TNS4: variants seen among roughly 807,000 people sequenced by gnomAD.
TNS4 encodes tensin 4.
TNS4 carries 46 observed loss-of-function variants against 70.4 expected under a neutral mutation model. That is an observed-to-expected ratio of 0.65 (90% CI 0.52 to 0.84). TNS4 has a LOEUF of 0.84. Ranked by LOEUF, TNS4 falls within the 40% of genes least tolerant of loss-of-function variation. The pLI, the probability that TNS4 is intolerant of heterozygous loss-of-function variation, is 0.00. For synonymous variants in TNS4, 390 were observed against 366.6 expected, an observed-to-expected ratio of 1.06 and a Z score of -0.73; for missense variants, 863 against 907.0, an observed-to-expected ratio of 0.95 and a Z score of 0.62.
At chr17:40,488,499 C>CGTGTGCCTGT (rs746999417) in intron 3 of TNS4, 47 bp downstream of exon 3, 1 of 1,453,818 alleles carries the variant, frequency 6.9e-7, no homozygotes, top group Non-Finnish European at 9.1e-7. Context: ...TGCATGCGTG[C>CGTGTGCCTGT]GTGTGCCTGT....
intron 8 of TNS4, among the ~76,000 whole-genome samples, chr17:40,481,172 A>T (rs1362325312): frequency 6.6e-6 from 1 of 151,922 alleles, no homozygotes; most frequent in East Asian, 1.9e-4. Context: ...GCCCTTCTCG[A>T]GCTTCTCCTG....
At chr17:40,498,746 A>T (rs2036175606) in intron 1 of TNS4, among the ~76,000 whole-genome samples, 1 of 152,026 alleles carries the variant, frequency 6.6e-6, no homozygotes, top group Non-Finnish European at 1.5e-5. Context: ...AGAGGGTCTC[A>T]CTTTGTTGCC....
At chr17:40,500,535 A>T (rs2036198847) in intron 1 of TNS4, among the ~76,000 whole-genome samples, 1 of 151,962 alleles carries the variant, frequency 6.6e-6, no homozygotes, top group Non-Finnish European at 1.5e-5. Flanking sequence ...GGTGCCCCCT[A>T]CCCGCTCCCA....
chr17:40,498,145 G>A (rs561162181), intron 1 of TNS4, among the ~76,000 whole-genome samples: 23 of 152,102 alleles, frequency 1.5e-4, no homozygotes, highest in Admixed American at 3.9e-4. Flanking sequence ...TTGCCAAAAC[G>A]CCTCCTTTAC....
chr17:40,499,104 A>G (rs1367596267), intron 1 of TNS4, among the ~76,000 whole-genome samples: 1 of 152,204 alleles, frequency 6.6e-6, no homozygotes, highest in Non-Finnish European at 1.5e-5. Context: ...CAGACAGCCC[A>G]GCGCCACACC....
intron 4 of TNS4, among the ~76,000 whole-genome samples, chr17:40,486,532 ATT>A (rs78348746): frequency 0.023 from 3,032 of 131,910 alleles, 49 homozygotes; most frequent in African/African-American, 0.049. Context: ...GGCAAATTCC[ATT>A]TTTTTTTTTT....
rs376092429 is a variant in TNS4 at position 40,478,652 on chromosome 17, G to A, written c.1911-4C>T. The A allele has an allele frequency of 2.6e-4, 420 of 1,613,828 alleles. 1 individual carries two copies. The highest frequency in any genetic ancestry group is 9.9e-4 in the Middle Eastern group (6 of 6,082). Reference sequence around the variant, plus strand: ...GTAATGGCGCCGGAAAAACACCCTAGGAGGAGGCGGGGAGAGAAGGGAAGC... The same window carrying A: ...GTAATGGCGCCGGAAAAACACCCTAAGAGGAGGCGGGGAGAGAAGGGAAGC... On this transcript the variant is annotated splice_region_variant and splice_polypyrimidine_tract_variant and intron_variant, in intron 10 of 12. Coordinates refer to ENST00000254051, the MANE Select transcript of TNS4 (RefSeq NM_032865.6).
chr17:40,483,112 G>T (rs567483605), intron 6 of TNS4, among the ~76,000 whole-genome samples: 3 of 152,224 alleles, frequency 2.0e-5, no homozygotes, highest in African/African-American at 4.8e-5. Flanking sequence ...ACCATGTCGG[G>T]CTAATTCTTT....
chr17:40,478,502 G>T (rs1439171363), intron 11 of TNS4, 78 bp downstream of exon 11: 1 of 1,580,320 alleles, frequency 6.3e-7, no homozygotes, highest in Non-Finnish European at 8.7e-7. Context: ...GGGATCCCAG[G>T]CCCAGAGTCG....
In TNS4 at chr17:40,477,462, C is replaced by A; in HGVS notation, c.*126G>T. Reference sequence around the variant, plus strand: ...CAGGTTCAAGGGTGTCAACTTGATGCCAATCCCCCTAGTCCCATAGATTGG... The same window carrying A: ...CAGGTTCAAGGGTGTCAACTTGATGACAATCCCCCTAGTCCCATAGATTGG... On this transcript the variant is annotated 3_prime_UTR_variant, in exon 13 of 13. Coordinates refer to ENST00000254051, the MANE Select transcript of TNS4 (RefSeq NM_032865.6). 4 of 1,336,748 alleles carry A rather than the reference C, an allele frequency of 3.0e-6. No homozygotes were observed. The highest frequency in any genetic ancestry group is 4.1e-6 in the Non-Finnish European group (4 of 983,156). The allele number at this position is 1,336,748 out of a possible 1,614,324, so 82.8% of individuals were successfully genotyped here. A position where few individuals can be genotyped will look rare whatever the true frequency, so the allele number is the denominator to read the frequency against.
intron 2 of TNS4, among the ~76,000 whole-genome samples, chr17:40,494,698 C>T (rs2036119476): frequency 1.4e-5 from 2 of 146,172 alleles, no homozygotes; most frequent in South Asian, 4.3e-4. Flanking sequence ...TGCTGTTGCA[C>T]TCCAGCCTGG....
intron 2 of TNS4, among the ~76,000 whole-genome samples, chr17:40,491,663 C>T (rs543884431): frequency 1.9e-4 from 28 of 144,116 alleles, no homozygotes; most frequent in Admixed American, 4.2e-4. Flanking sequence ...GTAAGGAGAG[C>T]GGGAGGGGAG....
At position 40,476,367 on chromosome 17, in the gene TNS4, GGC is replaced by G. The variant is rs1264584448; in HGVS notation, c.*1219_*1220del. 7.9e-5 allele frequency: 10 copies of G among 126,002 alleles called. No homozygotes were observed. Among genetic ancestry groups the G allele is most frequent in the African/African-American group, 1.8e-4 (6 of 33,852 alleles). 7.8% of individuals were successfully genotyped at this position (126,002 alleles called of 1,614,324 possible). A position where few individuals can be genotyped will look rare whatever the true frequency, so the allele number is the denominator to read the frequency against. On this transcript the variant is annotated 3_prime_UTR_variant, in exon 13 of 13. Transcript: ENST00000254051. ...GGTTGAAGCCACATAGCAGTAGAGG[GGC>G]GTGTGTGTGTGTGTGTGTGTGTGTG...
chr17:40,484,733 C>T (rs2035969712), intron 5 of TNS4, 124 bp from the exon 6 acceptor site: 5 of 1,478,500 alleles, frequency 3.4e-6, no homozygotes, highest in East Asian at 2.3e-5. Flanking sequence ...GTCCTTTGTA[C>T]TGTCAAATCT....
intron 5 of TNS4, 47 bp downstream of exon 5, chr17:40,484,874 G>A (rs751586242): frequency 2.4e-5 from 39 of 1,599,930 alleles, no homozygotes; most frequent in Non-Finnish European, 3.3e-5. Flanking sequence ...CTGATGCAAA[G>A]TGCAAGACCC....
At chr17:40,485,072 A>C in intron 4 of TNS4, 65 bp from the exon 5 acceptor site, 1 of 1,450,118 alleles carries the variant, frequency 6.9e-7, no homozygotes, top group Non-Finnish European at 9.7e-7. Context: ...GATGTTCACC[A>C]GAGAAGGCTG....
chr17:40,478,434 T>G (rs2035878222), intron 11 of TNS4, 101 bp from the exon 12 acceptor site: 12 of 863,954 alleles, frequency 1.4e-5, no homozygotes, highest in Non-Finnish European at 2.1e-5. Flanking sequence ...CACCCCACCA[T>G]GCCCCACCCT....
intron 4 of TNS4, among the ~76,000 whole-genome samples, chr17:40,486,007 C>T (rs1361511981): frequency 6.6e-6 from 1 of 152,166 alleles, no homozygotes; most frequent in South Asian, 2.1e-4. Flanking sequence ...CCTCTGGAGT[C>T]GCCTTGATGC....
chr17:40,484,010 A>G (rs1409539198), intron 6 of TNS4, among the ~76,000 whole-genome samples: 1 of 152,194 alleles, frequency 6.6e-6, no homozygotes, highest in Non-Finnish European at 1.5e-5. Context: ...GTGATGCTCC[A>G]TAGATGTTTG....
Sources: allele counts gnomAD v4.1 joint callset (sites outside exome capture counted in the v4.1 genomes callset), GRCh38; gene constraint gnomAD v4.1.1; transcripts MANE v1.5; gene names NCBI Gene and HGNC (gene_info 2026-07-23, HGNC 2026-07-21).